The following NDUFA10 variants were observed in gnomAD, a reference collection of about 807,000 sequenced individuals.
NDUFA10 encodes NADH:ubiquinone oxidoreductase subunit A10.
In NDUFA10, 40 loss-of-function variants were observed where a neutral mutation model predicts 47.8. The observed-to-expected ratio is 0.84, with a 90% CI of 0.65 to 1.09. The LOEUF (loss-of-function observed/expected upper bound fraction) is 1.09. Ranked by LOEUF, NDUFA10 falls within the 50% of genes least tolerant of loss-of-function variation. The pLI, the probability that NDUFA10 is intolerant of heterozygous loss-of-function variation, is 0.00. For missense variants in NDUFA10, 413 were observed against 451.1 expected, an observed-to-expected ratio of 0.92 and a Z score of 0.76; for synonymous variants, 183 against 172.2, an observed-to-expected ratio of 1.06 and a Z score of -0.49.
At chr2:239,914,952 T>C (rs111067621) in intron 4 of NDUFA10, among the ~76,000 whole-genome samples, 22,776 of 135,972 alleles carry the variant, frequency 0.17, 2,338 homozygotes, top group African/African-American at 0.22. Context: ...CAGAGATATA[T>C]AAACATACAC....
intron 8 of NDUFA10, among the ~76,000 whole-genome samples, chr2:239,996,487 C>T (rs1302397520): frequency 6.6e-6 from 1 of 152,120 alleles, no homozygotes; most frequent in Admixed American, 6.5e-5. Context: ...ACATTTTGAA[C>T]GAAAATAAAA....
chr2:240,025,262 A>T lies in NDUFA10; in HGVS notation c.40T>A (p.Ser14Thr). 2 of 1,468,468 alleles carry T rather than the reference A, an allele frequency of 1.4e-6. No individual in the cohort carries two copies. Among genetic ancestry groups the T allele is most frequent in the Non-Finnish European group, 1.8e-6 (2 of 1,110,374 alleles). The allele number at this position is 1,468,468 out of a possible 1,614,324, so 91.0% of individuals were successfully genotyped here. A position where few individuals can be genotyped will look rare whatever the true frequency, so the allele number is the denominator to read the frequency against. Residue 14 changes from serine to threonine, a missense_variant, in exon 1 of 10, where the codon TCC (serine) becomes ACC (threonine). Ser to Thr is a moderately conservative substitution (Grantham distance 58). Coordinates refer to ENST00000252711, the MANE Select transcript of NDUFA10 (RefSeq NM_004544.4). Reference sequence around the variant, plus strand: ...GCGCCCGCCGCCACGACCCGGGCGGACGCGGACGTCGCTGCCAGCTTCAGG... The same window carrying T: ...GCGCCCGCCGCCACGACCCGGGCGGTCGCGGACGTCGCTGCCAGCTTCAGG... ...RLLKLAATSASARVVAAGAQR... is the reference protein window; with the variant it reads ...RLLKLAATSATARVVAAGAQR...
chr2:239,965,607 CAT>C (rs1695028333), intron 9 of NDUFA10, among the ~76,000 whole-genome samples: 1 of 152,198 alleles, frequency 6.6e-6, no homozygotes. Flanking sequence ...GCGTGACACC[CAT>C]GTGTGTGGCT....
At chr2:239,964,127 G>A (rs1329817385) in intron 9 of NDUFA10, among the ~76,000 whole-genome samples, 2 of 152,140 alleles carry the variant, frequency 1.3e-5, no homozygotes. Flanking sequence ...AAGAAGTGGT[G>A]GAGATCTCTA....
chr2:239,991,402 T>G (rs79676582), intron 8 of NDUFA10, among the ~76,000 whole-genome samples: 3 of 152,206 alleles, frequency 2.0e-5, no homozygotes, highest in African/African-American at 7.2e-5. Context: ...CGTTTCCACA[T>G]GGGTAGGCAA....
chr2:239,965,049 C>T lies in NDUFA10; in HGVS notation c.1000-3863G>A, dbSNP rs77890017. Among the ~76,000 whole-genome samples the T allele has an allele frequency of 7.8e-3, 1,193 of 152,288 alleles. 36 individuals carry two copies. The East Asian group carries it at 0.086, about 11-fold the overall frequency. ...ACCAGCCACGCAGGTCTGTTCACAG[C>T]AGTACTGACAGAGGAAGGGCTGGGT... On this transcript the variant is annotated intron_variant, in intron 9 of 9. Coordinates refer to ENST00000252711, the MANE Select transcript of NDUFA10 (RefSeq NM_004544.4).
chr2:239,892,862 A>G (rs1313497774), intron 5 of NDUFA10, among the ~76,000 whole-genome samples: 1 of 152,228 alleles, frequency 6.6e-6, no homozygotes, highest in Non-Finnish European at 1.5e-5. Flanking sequence ...AGGAATTGGT[A>G]AAGAGACTAT....
intron 4 of NDUFA10, among the ~76,000 whole-genome samples, chr2:239,908,755 A>T (rs554956414): frequency 6.6e-6 from 1 of 152,358 alleles, no homozygotes; most frequent in South Asian, 2.1e-4. Context: ...GAGAGGTCTC[A>T]GTTAGAGAAG....
chr2:239,983,772 C>G, intron 9 of NDUFA10: 1 of 1,528,002 alleles, frequency 6.5e-7, no homozygotes, highest in East Asian at 2.5e-5. Flanking sequence ...AATACCTCAC[C>G]AGCACTCCTT....
intron 8 of NDUFA10, among the ~76,000 whole-genome samples, chr2:239,995,268 CCT>C (rs1696422982): frequency 6.6e-6 from 1 of 151,940 alleles, no homozygotes; most frequent in Non-Finnish European, 1.5e-5. Flanking sequence ...AGAGCAAGAC[CCT>C]GTCTCAAAGA....
chr2:239,969,690 G>A (rs1032440227), intron 9 of NDUFA10: 18 of 471,236 alleles, frequency 3.8e-5, no homozygotes, highest in Middle Eastern at 3.2e-4. Flanking sequence ...TCCTCTCCCC[G>A]ATCCTTCAAA....
chr2:239,897,616 A>G (rs1250624243), intron 4 of NDUFA10, among the ~76,000 whole-genome samples: 1 of 152,192 alleles, frequency 6.6e-6, no homozygotes, highest in Non-Finnish European at 1.5e-5. Flanking sequence ...AGGGCCGAAG[A>G]GAGTCCCAGG....
intron 4 of NDUFA10, among the ~76,000 whole-genome samples, chr2:239,916,051 TAC>T (rs1341284012): frequency 2.1e-5 from 2 of 96,842 alleles, no homozygotes; most frequent in South Asian, 6.5e-4. Context: ...CACACAAACA[TAC>T]ACACACACAT....
At chr2:240,000,080 T>C (rs1696643089) in intron 8 of NDUFA10, among the ~76,000 whole-genome samples, 1 of 152,250 alleles carries the variant, frequency 6.6e-6, no homozygotes, top group African/African-American at 2.4e-5. Context: ...TACAATTATG[T>C]ACAGTACAGA....
intron 5 of NDUFA10, chr2:240,013,553 G>A (rs1285120896): frequency 6.6e-6 from 1 of 152,194 alleles, no homozygotes; most frequent in African/African-American, 2.4e-5. Context: ...AAGGTTCTTA[G>A]AAGTCTAGCT....
At chr2:239,894,872 G>C (rs1183767933) in intron 5 of NDUFA10, among the ~76,000 whole-genome samples, 1 of 152,046 alleles carries the variant, frequency 6.6e-6, no homozygotes, top group Admixed American at 6.5e-5. Flanking sequence ...GATGAATATG[G>C]CTACAGGCAC....
intron 4 of NDUFA10, among the ~76,000 whole-genome samples, chr2:239,911,159 C>T (rs1693747213): frequency 6.6e-6 from 1 of 152,206 alleles, no homozygotes; most frequent in South Asian, 2.1e-4. Context: ...ATGTGTCCTC[C>T]AGTTCTCCAA....
rs571734498 is a variant in NDUFA10, at chr2:239,941,655, G to A, written c.295-46341C>T. On this transcript the variant is annotated intron_variant, in intron 4 of 5. Coordinates refer to the NDUFA10 transcript ENST00000419408. ...GTGGGAAAATGATTGAACCTGAGAG[G>A]CGGAGCTTGCAGGGAGCCAAGATCG... Among the ~76,000 whole-genome samples, 3 of 151,874 alleles carry A rather than the reference G, an allele frequency of 2.0e-5. No individual in the cohort carries two copies. The East Asian group carries it at 5.8e-4, about 29-fold the overall frequency.
chr2:239,943,700 G>A (rs537334662), intron 4 of NDUFA10, among the ~76,000 whole-genome samples: 13 of 152,244 alleles, frequency 8.5e-5, no homozygotes, highest in Non-Finnish European at 1.6e-4. Context: ...TTGGGAAGCA[G>A]GCCTCACTCA....
Sources: allele counts gnomAD v4.1 joint callset (sites outside exome capture counted in the v4.1 genomes callset), GRCh38; gene constraint gnomAD v4.1.1; transcripts MANE v1.5; gene names NCBI Gene and HGNC (gene_info 2026-07-23, HGNC 2026-07-21).